RPAIN: variants seen among roughly 807,000 people sequenced by gnomAD.
The protein encoded by RPAIN is RPA interacting protein.
RPAIN carries 29 observed loss-of-function variants against 30.5 expected under a neutral mutation model. That is an observed-to-expected ratio of 0.95 (90% CI 0.71 to 1.30). The LOEUF is 1.30. Ranked by LOEUF, RPAIN falls within the 50% of genes most tolerant of loss-of-function variation. RPAIN has a pLI of 0.00. For missense variants in RPAIN, 247 were observed against 264.7 expected, an observed-to-expected ratio of 0.93 and a Z score of 0.46; for synonymous variants, 101 against 93.5, an observed-to-expected ratio of 1.08 and a Z score of -0.46.
intron 3 of RPAIN, chr17:5,425,144 T>G (rs1915251094): frequency 8.8e-6 from 3 of 341,758 alleles, no homozygotes; most frequent in Non-Finnish European, 1.7e-5. Flanking sequence ...TGACTGTAGT[T>G]TTTTGACCCC....
intron 3 of RPAIN, among the ~76,000 whole-genome samples, chr17:5,424,175 G>C (rs1386257569): frequency 6.6e-6 from 1 of 151,462 alleles, no homozygotes; most frequent in Non-Finnish European, 1.5e-5. Flanking sequence ...TTTTTGTAGA[G>C]ACAGGGTCTC....
In RPAIN at chr17:5,432,755, G is replaced by T; in HGVS notation, c.*184G>T. 1 of 762,702 alleles carries T rather than the reference G, an allele frequency of 1.3e-6. No individual in the cohort carries two copies. Among genetic ancestry groups the T allele is most frequent in the South Asian group, 2.3e-5 (1 of 44,212 alleles). 47.2% of individuals were successfully genotyped at this position (762,702 alleles called of 1,614,324 possible). A position where few individuals can be genotyped will look rare whatever the true frequency, so the allele number is the denominator to read the frequency against. ...TTTGTGACGCAGGTTGAAGGGGGAG[G>T]AATAGAAAAAGACAAACTGCCTTGG... On this transcript the variant is annotated 3_prime_UTR_variant, in exon 7 of 7. Coordinates refer to ENST00000381209, the MANE Select transcript of RPAIN (RefSeq NM_001033002.4).
intron 5 of RPAIN, 167 bp from the exon 6 acceptor site, chr17:5,427,904 T>A: frequency 1.5e-6 from 1 of 683,396 alleles, no homozygotes; most frequent in Non-Finnish European, 2.6e-6. Context: ...TAAATGGAGA[T>A]GGGTTAAGAG....
intron 6 of RPAIN, chr17:5,430,972 ACAGCT>A (rs1286757908): frequency 6.2e-6 from 1 of 162,432 alleles, no homozygotes; most frequent in African/African-American, 2.4e-5. Flanking sequence ...TGCCAAGTGT[ACAGCT>A]TCAGCTCAGC....
chr17:5,429,753 T>G (rs1915728480), intron 6 of RPAIN: 2 of 985,432 alleles, frequency 2.0e-6, no homozygotes, highest in Non-Finnish European at 2.4e-6. Flanking sequence ...TGCTGTTGTT[T>G]AGGCTGTTCT....
intron 6 of RPAIN, chr17:5,431,146 G>A: frequency 3.2e-6 from 1 of 315,776 alleles, no homozygotes; most frequent in South Asian, 2.7e-5. Context: ...GGGGTGGGCA[G>A]GAAGACCATT....
intron 6 of RPAIN, chr17:5,432,224 G>GA (rs1916041987): frequency 3.1e-6 from 1 of 317,798 alleles, no homozygotes; most frequent in African/African-American, 2.1e-5. Flanking sequence ...AGGCTATCAA[G>GA]AGTTTGAATA....
At position 5,427,803 on chromosome 17, in the gene RPAIN, C is replaced by T. The variant is rs184097055; in HGVS notation, c.490-268C>T. 2.5e-5 allele frequency: 12 copies of T among 479,576 alleles called. No homozygotes were observed. The East Asian group carries it at 4.6e-4, about 18-fold the overall frequency. 29.7% of individuals were successfully genotyped at this position (479,576 alleles called of 1,614,324 possible). On this transcript the variant is annotated intron_variant, in intron 5 of 6. Coordinates refer to ENST00000381209, the MANE Select transcript of RPAIN (RefSeq NM_001033002.4). ...AGGCAGAGGGAGGCTGGAAAGTAGC[C>T]TACAATCTCTGAGCGTTCTTCCTGC...
At chr17:5,426,447 C>G (rs1915400204) in intron 5 of RPAIN, 148 bp downstream of exon 5, 1 of 738,142 alleles carries the variant, frequency 1.4e-6, no homozygotes, top group Admixed American at 2.0e-5. Context: ...TTCAAATCAG[C>G]CATGGTGAGA....
At chr17:5,426,677 G>A (rs1433859678) in intron 5 of RPAIN, 1 of 163,670 alleles carries the variant, frequency 6.1e-6, no homozygotes, top group Non-Finnish European at 1.2e-5. Context: ...GTCTCACTCT[G>A]TTGCCCAGGC....
intron 6 of RPAIN, chr17:5,429,906 G>A (rs530816618): frequency 1.9e-4 from 83 of 448,056 alleles, no homozygotes; most frequent in Non-Finnish European, 2.3e-4. Context: ...GGTGGCTCAC[G>A]CCTGTAATCC....
At position 5,421,286 on chromosome 17, in the gene RPAIN, T is replaced by A. The variant is rs748844532; in HGVS notation, c.82-10T>A. On this transcript the variant is annotated splice_polypyrimidine_tract_variant and intron_variant, in intron 1 of 6. Transcript: ENST00000381209. The stretch of plus-strand genomic sequence containing the variant: ...TTTTTTTCCCCCCCAATCTTGCTCT[T>A]TTTTCCCAGAGATGCCTGGAGAGAA... 42 of 1,590,920 alleles carry A rather than the reference T, an allele frequency of 2.6e-5. No homozygotes were observed. In the South Asian group the frequency reaches 3.7e-4, roughly 14 times the overall value.
intron 1 of RPAIN, 23 bp downstream of exon 1, chr17:5,420,314 G>A: frequency 2.5e-6 from 4 of 1,603,542 alleles, no homozygotes; most frequent in Non-Finnish European, 3.4e-6. Flanking sequence ...TTTGTGCAGT[G>A]GTCTACCCTA....
Position 5,426,275 on chromosome 17 carries a change from G to A in RPAIN, c.465G>A (p.Gln155=), listed in dbSNP as rs777050012. The A allele has an allele frequency of 1.2e-6, 2 of 1,614,110 alleles. No homozygotes were observed. The highest frequency in any genetic ancestry group is 1.1e-5 in the South Asian group (1 of 91,078). ...LRITSGVVVC[Q]CGLSIPSHSS... is the part of the protein sequence containing the mutation. Reference sequence around the variant, plus strand: ...TCACAAGCGGTGTGGTGGTGTGTCAGTGTGGCCTGTCCATCCCATCTCATG... The same window carrying A: ...TCACAAGCGGTGTGGTGGTGTGTCAATGTGGCCTGTCCATCCCATCTCATG... The change falls in exon 5 of 7, where the codon CAG becomes CAA. Residue 155 remains glutamine (Q), a synonymous_variant. Transcript: ENST00000381209.
chr17:5,423,673 G>A (rs1166997992), intron 3 of RPAIN, among the ~76,000 whole-genome samples: 1 of 152,192 alleles, frequency 6.6e-6, no homozygotes, highest in Admixed American at 6.5e-5. Context: ...GGTGTCCATA[G>A]CATGGTGTAG....
intron 5 of RPAIN, chr17:5,426,566 C>T (rs553673511): frequency 2.2e-5 from 9 of 405,964 alleles, no homozygotes; most frequent in African/African-American, 4.0e-5. Flanking sequence ...GGATTGGTAA[C>T]GCCTGTATCT....
intron 2 of RPAIN, chr17:5,421,943 G>GCCCA (rs3066196): frequency 1.3e-5 from 1 of 77,904 alleles, no homozygotes; most frequent in Non-Finnish European, 2.7e-5. Context: ...GTGCCACCAT[G>GCCCA]CCCGGCTAAT....
At position 5,422,752 on chromosome 17, in the gene RPAIN, G is replaced by C; in HGVS notation, c.253-17G>C. ...ATTAATACTTCAAACTTCTGATGCC[G>C]CTCCTTTCTCTTCCAGCTGGAGGAG... On this transcript the variant is annotated splice_polypyrimidine_tract_variant and intron_variant, in intron 2 of 6. Coordinates refer to ENST00000381209, the MANE Select transcript of RPAIN (RefSeq NM_001033002.4). 1 of 1,611,442 alleles carries C rather than the reference G, an allele frequency of 6.2e-7. No individual in the cohort carries two copies. The highest frequency in any genetic ancestry group is 8.5e-7 in the Non-Finnish European group (1 of 1,178,076).
chr17:5,428,324 A>G lies in RPAIN; in HGVS notation c.630+113A>G, dbSNP rs546151343. The G allele has an allele frequency of 5.1e-6, 8 of 1,561,072 alleles. No individual in the cohort carries two copies. In the East Asian group the frequency reaches 1.9e-4, roughly 37 times the overall value. On this transcript the variant is annotated intron_variant, in intron 6 of 6. Transcript: ENST00000381209. Reference sequence around the variant, plus strand: ...AGGTAAATGTTTAATGCAGTTTATTATCTGAGGAATTTACCTGCATAGAAA... The same window carrying G: ...AGGTAAATGTTTAATGCAGTTTATTGTCTGAGGAATTTACCTGCATAGAAA...
Sources: allele counts gnomAD v4.1 joint callset (sites outside exome capture counted in the v4.1 genomes callset), GRCh38; gene constraint gnomAD v4.1.1; transcripts MANE v1.5; gene names NCBI Gene and HGNC (gene_info 2026-07-23, HGNC 2026-07-21).